CNTN5: variants seen among roughly 807,000 people sequenced by gnomAD.
The protein encoded by CNTN5 is contactin-5.
A neutral mutation model predicts 129.1 loss-of-function variants in CNTN5; 77 were observed. The observed-to-expected ratio is 0.60, with a 90% CI of 0.50 to 0.72. The LOEUF (loss-of-function observed/expected upper bound fraction) is 0.72. Among genes scored for constraint, CNTN5 ranks in the 30% least tolerant of loss-of-function variants. CNTN5 has a pLI of 0.00. For missense variants in CNTN5, 1,478 were observed against 1,328.8 expected (o/e 1.11, Z -1.75); for synonymous variants, 509 against 465.6 (o/e 1.09, Z -1.20).
intron 2 of CNTN5, among the ~76,000 whole-genome samples, chr11:99,540,556 A>T (rs1468810538): frequency 1.3e-5 from 2 of 152,184 alleles, no homozygotes; most frequent in African/African-American, 4.8e-5. Context: ...ATAAAGTGTT[A>T]GATTAATGCA....
chr11:100,227,077 T>A (rs1164597523), intron 16 of CNTN5, among the ~76,000 whole-genome samples: 1 of 152,144 alleles, frequency 6.6e-6, no homozygotes, highest in Non-Finnish European at 1.5e-5. Flanking sequence ...TCCCCATTCA[T>A]CTTTTAGTAG....
intron 6 of CNTN5, among the ~76,000 whole-genome samples, chr11:99,852,899 G>A (rs1057388883): frequency 6.6e-6 from 1 of 152,118 alleles, no homozygotes; most frequent in Non-Finnish European, 1.5e-5. Context: ...AAGCATAGGA[G>A]ATTCCAAAGC....
chr11:99,925,305 A>C (rs181492332), intron 7 of CNTN5, among the ~76,000 whole-genome samples: 2 of 152,278 alleles, frequency 1.3e-5, no homozygotes. Flanking sequence ...TTGCAGACTA[A>C]ACTTATTTTA....
At chr11:100,355,993 A>C in intron 24 of CNTN5, 124 bp from the exon 25 acceptor site, 1 of 649,618 alleles carries the variant, frequency 1.5e-6, no homozygotes, top group East Asian at 2.7e-5. Context: ...ATAAATATAA[A>C]GAACACTCTC....
chr11:99,745,025 A>G (rs951646558), intron 3 of CNTN5, among the ~76,000 whole-genome samples: 3 of 152,176 alleles, frequency 2.0e-5, no homozygotes, highest in African/African-American at 4.8e-5. Context: ...GTCATCATTG[A>G]TCTTGTACAC....
intron 1 of CNTN5, among the ~76,000 whole-genome samples, chr11:99,321,203 T>TAC (rs35215096): frequency 9.4e-4 from 139 of 148,376 alleles, no homozygotes; most frequent in South Asian, 7.5e-3. Flanking sequence ...TCCAATTGCA[T>TAC]ACACACACAC....
At chr11:99,328,369 T>A (rs1187566390) in intron 2 of CNTN5, among the ~76,000 whole-genome samples, 1 of 152,156 alleles carries the variant, frequency 6.6e-6, no homozygotes, top group African/African-American at 2.4e-5. Context: ...TAATTTCTTA[T>A]CATCAGGAAG....
intron 7 of CNTN5, among the ~76,000 whole-genome samples, chr11:99,940,380 A>C (rs543782628): frequency 6.6e-6 from 1 of 152,314 alleles, no homozygotes; most frequent in East Asian, 1.9e-4. Flanking sequence ...TAATGAACTA[A>C]AGTAAAACTG....
chr11:99,246,963 C>G (rs1470200440), intron 1 of CNTN5, among the ~76,000 whole-genome samples: 1 of 151,994 alleles, frequency 6.6e-6, no homozygotes, highest in Admixed American at 6.6e-5. Flanking sequence ...TTGGCTGAAA[C>G]CTTTAAAATG....
chr11:99,487,748 A>G (rs1945872659), intron 2 of CNTN5, among the ~76,000 whole-genome samples: 1 of 152,186 alleles, frequency 6.6e-6, no homozygotes, highest in Non-Finnish European at 1.5e-5. Context: ...GACTCCTTTA[A>G]TCCTATGAAA....
chr11:100,245,889 A>C (rs1173284667), intron 16 of CNTN5, among the ~76,000 whole-genome samples: 2 of 152,168 alleles, frequency 1.3e-5, no homozygotes, highest in African/African-American at 4.8e-5. Flanking sequence ...GGGTATCAGT[A>C]CCAAATTAAC....
chr11:99,728,504 GGTCT>G (rs1943426587), intron 3 of CNTN5, among the ~76,000 whole-genome samples: 1 of 151,976 alleles, frequency 6.6e-6, no homozygotes, highest in Non-Finnish European at 1.5e-5. Flanking sequence ...AATTTTTCAG[GGTCT>G]ATCTAACTGA....
At chr11:99,369,074 T>C (rs1447428475) in intron 2 of CNTN5, among the ~76,000 whole-genome samples, 1 of 134,296 alleles carries the variant, frequency 7.4e-6, no homozygotes, top group Non-Finnish European at 1.7e-5. Context: ...AGGAATGCTA[T>C]CCTGCTTGCT....
chr11:99,570,060 C>A (rs1279431102), intron 3 of CNTN5, among the ~76,000 whole-genome samples: 2 of 151,748 alleles, frequency 1.3e-5, no homozygotes, highest in Non-Finnish European at 2.9e-5. Flanking sequence ...GGCTGCTCAG[C>A]CTCATGTCAT....
intron 15 of CNTN5, among the ~76,000 whole-genome samples, chr11:100,215,766 T>C (rs1949126624): frequency 6.6e-6 from 1 of 152,112 alleles, no homozygotes; most frequent in Admixed American, 6.6e-5. Context: ...TGGCAGGTAT[T>C]GTACTCTAGA....
chr11:99,640,922 T>C (rs932385524), intron 3 of CNTN5, among the ~76,000 whole-genome samples: 8 of 152,192 alleles, frequency 5.3e-5, no homozygotes, highest in Admixed American at 4.6e-4. Context: ...TTTGGTCTCT[T>C]TTTCATACCT....
chr11:99,219,010 G>A (rs1322479015), intron 1 of CNTN5, among the ~76,000 whole-genome samples: 1 of 151,910 alleles, frequency 6.6e-6, no homozygotes, highest in Non-Finnish European at 1.5e-5. Flanking sequence ...CCCCTGGACT[G>A]CTTTAATATG....
intron 2 of CNTN5, among the ~76,000 whole-genome samples, chr11:99,394,662 A>G (rs1204534375): frequency 6.6e-6 from 1 of 151,484 alleles, no homozygotes; most frequent in Non-Finnish European, 1.5e-5. Flanking sequence ...CCTAGCACCC[A>G]TTGGTTATTC....
intron 2 of CNTN5, among the ~76,000 whole-genome samples, chr11:99,390,571 G>A (rs1394184869): frequency 6.6e-6 from 1 of 152,066 alleles, no homozygotes; most frequent in Non-Finnish European, 1.5e-5. Flanking sequence ...ATATTATGTT[G>A]AGCTCAGAAT....
Sources: allele counts gnomAD v4.1 joint callset (sites outside exome capture counted in the v4.1 genomes callset), GRCh38; gene constraint gnomAD v4.1.1; transcripts MANE v1.5; gene names NCBI Gene and HGNC (gene_info 2026-07-23, HGNC 2026-07-21).